KCNB2: variants seen among roughly 807,000 people sequenced by gnomAD.
The protein encoded by KCNB2 is delayed rectifier potassium channel protein.
In KCNB2, 15 loss-of-function variants were observed where a neutral mutation model predicts 61.5. That is an observed-to-expected ratio of 0.24 (90% CI 0.16 to 0.38). The LOEUF is 0.38. Ranked by LOEUF, KCNB2 falls within the 10% of genes least tolerant of loss-of-function variation. The pLI, the probability that KCNB2 is intolerant of heterozygous loss-of-function variation, is 1.00. For missense variants in KCNB2, 828 were observed against 1,125.2 expected, an observed-to-expected ratio of 0.74 and a Z score of 3.78; for synonymous variants, 457 against 446.0, an observed-to-expected ratio of 1.02 and a Z score of -0.31.
chr8:72,713,455 G>C (rs1807363170), intron 2 of KCNB2, among the ~76,000 whole-genome samples: 1 of 152,154 alleles, frequency 6.6e-6, no homozygotes. Flanking sequence ...ACTCCTCTGA[G>C]ACAAAACTTC....
At chr8:72,890,316 C>T (rs982160817) in intron 2 of KCNB2, among the ~76,000 whole-genome samples, 2 of 152,178 alleles carry the variant, frequency 1.3e-5, no homozygotes, top group Non-Finnish European at 2.9e-5. Context: ...TGGGGAGTGG[C>T]AGTACAAAGG....
chr8:72,757,420 T>C (rs16938354), intron 2 of KCNB2, among the ~76,000 whole-genome samples: 1 of 152,116 alleles, frequency 6.6e-6, no homozygotes, highest in Non-Finnish European at 1.5e-5. Flanking sequence ...TGCTCAGTGG[T>C]ACCTGGAGGA....
chr8:72,808,102 G>C (rs1276293229), intron 2 of KCNB2, among the ~76,000 whole-genome samples: 3 of 152,062 alleles, frequency 2.0e-5, no homozygotes, highest in Non-Finnish European at 2.9e-5. Flanking sequence ...TTCTTGGTTT[G>C]CCCAAATAGA....
intron 2 of KCNB2, among the ~76,000 whole-genome samples, chr8:72,655,092 A>G (rs189002561): frequency 6.6e-6 from 1 of 152,308 alleles, no homozygotes; most frequent in Non-Finnish European, 1.5e-5. Context: ...TGGTACATAC[A>G]CATCAAAGAA....
chr8:72,611,620 C>A (rs1805541922), intron 2 of KCNB2, among the ~76,000 whole-genome samples: 1 of 152,202 alleles, frequency 6.6e-6, no homozygotes, highest in South Asian at 2.1e-4. Context: ...ATGTGTGTAG[C>A]AACCGGCTTT....
At chr8:72,544,477 T>C (rs1297208870) in intron 1 of KCNB2, among the ~76,000 whole-genome samples, 1 of 152,206 alleles carries the variant, frequency 6.6e-6, no homozygotes, top group Non-Finnish European at 1.5e-5. Flanking sequence ...AAAAGATTGA[T>C]ACTTTGGAGA....
At chr8:72,714,680 C>A (rs1489333999) in intron 2 of KCNB2, among the ~76,000 whole-genome samples, 3 of 152,092 alleles carry the variant, frequency 2.0e-5, no homozygotes, top group African/African-American at 7.2e-5. Context: ...TGGAAAGGAA[C>A]AACCGGTACC....
intron 2 of KCNB2, among the ~76,000 whole-genome samples, chr8:72,900,441 G>A (rs1305097400): frequency 6.6e-6 from 1 of 152,092 alleles, no homozygotes; most frequent in Non-Finnish European, 1.5e-5. Flanking sequence ...CCTTGGCAAA[G>A]AATTTTTGGC....
rs535157094 is a variant in KCNB2 at position 72,935,063 on chromosome 8, T to C, written c.580-872T>C. Among the ~76,000 whole-genome samples, 5 of 152,250 alleles carry C rather than the reference T, an allele frequency of 3.3e-5. No individual in the cohort carries two copies. The East Asian group carries it at 9.7e-4, about 29-fold the overall frequency. On this transcript the variant is annotated intron_variant, in intron 2 of 2. Transcript: ENST00000523207. ...GAAGTAGCTATGATTGTTGCCTTTA[T>C]TCAACAGATCTGTACTTTGAGACAG...
rs149852294 is a variant in KCNB2 at position 72,671,791 on chromosome 8, C to T, written c.579+103478C>T. On this transcript the variant is annotated intron_variant, in intron 2 of 2. Transcript: ENST00000523207. ...AGAGGCTTGAAAATGCACTTGCCCG[C>T]CTCTGTTTCCTCTCTTACTTCATTG... is the stretch of plus-strand genomic sequence containing the variant. 1.7e-3 allele frequency among the ~76,000 whole-genome samples: 266 copies of T among 152,272 alleles called. 2 individuals carry two copies. The highest frequency in any genetic ancestry group is 6.0e-3 in the African/African-American group (248 of 41,562).
intron 2 of KCNB2, among the ~76,000 whole-genome samples, chr8:72,759,362 G>T (rs1476954292): frequency 1.3e-5 from 2 of 152,130 alleles, no homozygotes; most frequent in Non-Finnish European, 2.9e-5. Flanking sequence ...GGGAATTTAT[G>T]ATAAAAACCC....
chr8:72,705,496 A>AT (rs1419484211), intron 2 of KCNB2, among the ~76,000 whole-genome samples: 2 of 152,256 alleles, frequency 1.3e-5, no homozygotes, highest in East Asian at 3.9e-4. Context: ...TGGAGAGAAG[A>AT]TTAATAACAT....
At chr8:72,816,418 T>C (rs760153248) in intron 2 of KCNB2, among the ~76,000 whole-genome samples, 2 of 152,208 alleles carry the variant, frequency 1.3e-5, no homozygotes, top group Non-Finnish European at 2.9e-5. Flanking sequence ...GTTCAGAGCA[T>C]GCTGAACAAA....
intron 2 of KCNB2, among the ~76,000 whole-genome samples, chr8:72,931,977 C>T (rs920999546): frequency 1.3e-5 from 2 of 152,032 alleles, no homozygotes; most frequent in Admixed American, 1.3e-4. Flanking sequence ...CGTGCCACTG[C>T]ACTCCAGCCT....
chr8:72,812,798 T>C (rs1343982337), intron 2 of KCNB2, among the ~76,000 whole-genome samples: 2 of 152,200 alleles, frequency 1.3e-5, no homozygotes, highest in African/African-American at 2.4e-5. Context: ...TACTATTTTA[T>C]GTAGTATTTT....
intron 2 of KCNB2, among the ~76,000 whole-genome samples, chr8:72,714,054 G>A (rs1807374843): frequency 6.6e-6 from 1 of 152,176 alleles, no homozygotes; most frequent in African/African-American, 2.4e-5. Flanking sequence ...GGAAGAAATT[G>A]TATCAGCAAT....
At chr8:72,700,050 A>G (rs1807088350) in intron 2 of KCNB2, among the ~76,000 whole-genome samples, 1 of 152,186 alleles carries the variant, frequency 6.6e-6, no homozygotes, top group South Asian at 2.1e-4. Context: ...TTGCAGGGAC[A>G]TGGATGAAGC....
intron 2 of KCNB2, among the ~76,000 whole-genome samples, chr8:72,604,161 C>T (rs985811325): frequency 6.6e-6 from 1 of 152,142 alleles, no homozygotes; most frequent in African/African-American, 2.4e-5. Flanking sequence ...TCAGTTTTCT[C>T]ATCTGTAAAA....
intron 2 of KCNB2, among the ~76,000 whole-genome samples, chr8:72,752,661 G>A (rs1170737392): frequency 6.6e-6 from 1 of 152,104 alleles, no homozygotes; most frequent in East Asian, 1.9e-4. Flanking sequence ...TAGATGGCAC[G>A]TCGTGGGATT....
Sources: gnomAD v4.1 joint callset for allele counts (sites outside exome capture counted in the v4.1 genomes callset) on GRCh38, gnomAD v4.1.1 for gene constraint, MANE v1.5 for transcripts, NCBI Gene and HGNC (gene_info 2026-07-23, HGNC 2026-07-21) for gene names.